TRIM37: variants seen among roughly 807,000 people sequenced by gnomAD.
TRIM37 encodes the protein E3 ubiquitin-protein ligase TRIM37.
A neutral mutation model predicts 129.8 loss-of-function variants in TRIM37; 80 were observed. The observed-to-expected ratio is 0.62, with a 90% CI of 0.51 to 0.74. The LOEUF is 0.74. Ranked by LOEUF, TRIM37 falls within the 30% of genes least tolerant of loss-of-function variation. TRIM37 has a pLI of 0.00. For missense variants in TRIM37, 1,054 were observed against 1,176.5 expected (o/e 0.90, Z 1.52); for synonymous variants, 389 against 387.1 (o/e 1.00, Z -0.06).
intron 2 of TRIM37, 133 bp from the exon 3 acceptor site, chr17:59,091,473 TAA>T (rs1178355542): frequency 6.5e-6 from 1 of 154,818 alleles, no homozygotes; most frequent in Admixed American, 8.7e-5. Context: ...ATAATATTCA[TAA>T]TATATAATAT....
rs2045809377 is a variant in TRIM37, at chr17:59,104,457, A to G, written c.22-63T>C. 16 of 1,373,562 alleles carry G rather than the reference A, an allele frequency of 1.2e-5. No individual in the cohort carries two copies. The East Asian group carries it at 3.4e-4, about 29-fold the overall frequency. The allele number at this position is 1,373,562 out of a possible 1,614,324, so 85.1% of individuals were successfully genotyped here. A position where few individuals can be genotyped will look rare whatever the true frequency, so the allele number is the denominator to read the frequency against. ...GCTACTGAATCAAGAGTAAAAGGCA[A>G]GCTCAAAACAACTTGACATTTACAT... On this transcript the variant is annotated intron_variant, in intron 1 of 23. Transcript: ENST00000262294.
intron 6 of TRIM37, 150 bp from the exon 7 acceptor site, chr17:59,080,027 T>C: frequency 1.2e-6 from 1 of 837,106 alleles, no homozygotes; most frequent in South Asian, 1.7e-5. Context: ...TATTTCAAAA[T>C]GGCAGACATG....
At chr17:58,967,223 CT>C in the TRIM37 span, among the ~76,000 whole-genome samples, 2 of 152,128 alleles carry the variant, frequency 1.3e-5, no homozygotes, top group East Asian at 3.9e-4. Context: ...ACTTTTAATT[CT>C]TTATTATAAG....
chr17:59,102,886 T>C (rs1488308154), intron 2 of TRIM37, among the ~76,000 whole-genome samples: 1 of 152,216 alleles, frequency 6.6e-6, no homozygotes, highest in African/African-American at 2.4e-5. Flanking sequence ...AATTTTTTTT[T>C]TTTTTGAGAC....
chr17:58,969,466 GATGCCAGGAGATTGGTTCATTTGAATC>G, the TRIM37 span: 1 of 1,425,624 alleles, frequency 7.0e-7, no homozygotes, highest in Admixed American at 1.7e-5. Flanking sequence ...GGGCAACAAT[GATGCCAGGAGATTGGTTCATTTGAATC>G]ATGCTATACC....
chr17:59,074,134 C>T (rs1173732192), intron 8 of TRIM37, among the ~76,000 whole-genome samples: 1 of 152,188 alleles, frequency 6.6e-6, no homozygotes, highest in African/African-American at 2.4e-5. Context: ...ATGATTAATG[C>T]TTTGTGCTAC....
intron 21 of TRIM37, 34 bp from the exon 22 acceptor site, chr17:59,012,480 A>G: frequency 7.5e-7 from 1 of 1,332,004 alleles, no homozygotes; most frequent in Non-Finnish European, 1.1e-6. Flanking sequence ...ATTTCTCTAT[A>G]ACTAGTGACA....
At position 59,049,246 on chromosome 17, in the gene TRIM37, T is replaced by C. The variant is rs1489742504; in HGVS notation, c.1462A>G (p.Thr488Ala). 4 of 1,614,032 alleles carry C rather than the reference T, an allele frequency of 2.5e-6. No homozygotes were observed. In the African/African-American group the frequency reaches 5.3e-5, roughly 22 times the overall value. Residue 488 changes from threonine to alanine, a missense_variant, in exon 15 of 24, where the codon ACA becomes GCA. Thr to Ala is a moderately conservative substitution (Grantham distance 58). Around this residue, in one of 3 missense-constraint regions of TRIM37, gnomAD observed 752 missense variants for 870.8 expected, o/e 0.86. Coordinates refer to ENST00000262294, the MANE Select transcript of TRIM37 (RefSeq NM_015294.6). Reference sequence around the variant, plus strand: ...TCTTTGGCCTCTCTTACAGAAGCTGTAGTAGGACCACCTTCGAGAAGCATG... The same window carrying C: ...TCTTTGGCCTCTCTTACAGAAGCTGCAGTAGGACCACCTTCGAGAAGCATG... ...SDMLLEGGPT[T>A]ASVREAKEDE...
chr17:58,982,314 T>C (rs1465107636), downstream of TRIM37: 1 of 152,320 alleles, frequency 6.6e-6, no homozygotes, highest in Non-Finnish European at 1.5e-5. Flanking sequence ...TGTTGTCAAC[T>C]AAAGACAACA....
chr17:58,977,065 C>G, the TRIM37 span, among the ~76,000 whole-genome samples: 1 of 151,976 alleles, frequency 6.6e-6, no homozygotes, highest in Non-Finnish European at 1.5e-5. Flanking sequence ...TGAGCTCTAA[C>G]AGGCTATGGA....
chr17:58,991,884 C>T (rs2032443667), intron 24 of TRIM37, among the ~76,000 whole-genome samples: 1 of 152,120 alleles, frequency 6.6e-6, no homozygotes, highest in South Asian at 2.1e-4. Context: ...TACCATATGA[C>T]TCAGTGCAAT....
At chr17:58,980,989 T>C, downstream of TRIM37, 1 of 1,613,646 alleles carries the variant, frequency 6.2e-7, no homozygotes, top group Non-Finnish European at 8.5e-7. The surrounding 1 kb of genome is among the most constrained non-coding windows in gnomAD (Gnocchi z 4.7). Context: ...AGACTCATGA[T>C]ATTCCATGCC....
At chr17:59,069,671 T>C (rs2042203082) in intron 9 of TRIM37, among the ~76,000 whole-genome samples, 2 of 152,194 alleles carry the variant, frequency 1.3e-5, no homozygotes, top group Admixed American at 6.5e-5. Flanking sequence ...CTGAACCCTA[T>C]GTCACAGGCT....
At chr17:59,059,733 A>G (rs1412273442) in intron 12 of TRIM37, among the ~76,000 whole-genome samples, 1 of 152,172 alleles carries the variant, frequency 6.6e-6, no homozygotes, top group Admixed American at 6.5e-5. Flanking sequence ...TCTGGGATGC[A>G]GTTAAGTTAC....
In TRIM37 at chr17:58,986,259, C is replaced by T. The variant is rs545579861; in HGVS notation, c.2892-3338G>A. Among the ~76,000 whole-genome samples, 1,012 of 151,382 alleles carry T rather than the reference C, an allele frequency of 6.7e-3. 9 individuals are homozygous for T. The highest frequency in any genetic ancestry group is 0.023 in the African/African-American group (944 of 41,250). On this transcript the variant is annotated intron_variant, in intron 24 of 24. Transcript: ENST00000393066. Reference sequence around the variant, plus strand: ...TGTCACCCAGGCCGGAGTGCAGTGACGTGATCTTGGCTCACCACAACCTCT... The same window carrying T: ...TGTCACCCAGGCCGGAGTGCAGTGATGTGATCTTGGCTCACCACAACCTCT...
intron 19 of TRIM37, among the ~76,000 whole-genome samples, chr17:59,023,616 CT>C (rs2036879458): frequency 6.6e-6 from 1 of 151,930 alleles, no homozygotes. Context: ...GATAGAGCTA[CT>C]GTACCCTAGC....
chr17:58,971,980 T>C, the TRIM37 span: 3 of 711,682 alleles, frequency 4.2e-6, no homozygotes, highest in East Asian at 8.2e-5. Flanking sequence ...CATATACAAA[T>C]GCATTGAGAC....
intron 4 of TRIM37, among the ~76,000 whole-genome samples, chr17:59,086,734 A>G (rs2043786797): frequency 6.6e-6 from 1 of 152,256 alleles, no homozygotes; most frequent in Non-Finnish European, 1.5e-5. Flanking sequence ...CAAATTTATA[A>G]TATAGCTTTT....
chr17:58,996,343 G>A (rs1221845651), downstream of TRIM37, among the ~76,000 whole-genome samples: 1 of 151,724 alleles, frequency 6.6e-6, no homozygotes, highest in Non-Finnish European at 1.5e-5. Flanking sequence ...GGTGGTGCAT[G>A]CCTGTAATCC....
Sources: allele counts gnomAD v4.1 joint callset (sites outside exome capture counted in the v4.1 genomes callset), GRCh38; gene constraint gnomAD v4.1.1; regional missense constraint gnomAD v4.1.1; non-coding constraint Gnocchi (gnomAD v3.1); transcripts MANE v1.5; gene names NCBI Gene and HGNC (gene_info 2026-07-23, HGNC 2026-07-21).